Variants in AOPEP observed in about 807,000 individuals in gnomAD.
AOPEP encodes the protein aminopeptidase O (putative), also known as aminopeptidase O.
AOPEP carries 77 observed loss-of-function variants against 98.1 expected under a neutral mutation model. The observed-to-expected ratio is 0.78, with a 90% CI of 0.65 to 0.95. The LOEUF is 0.95. AOPEP is among the 40% of genes least tolerant of loss of function. The pLI is 0.00. For synonymous variants in AOPEP, 346 were observed against 365.3 expected, an observed-to-expected ratio of 0.95 and a Z score of 0.60; for missense variants, 1,024 against 1,024.7, an observed-to-expected ratio of 1.00 and a Z score of 0.01.
At chr9:95,098,498 C>T in the AOPEP span, among the ~76,000 whole-genome samples, 41 of 152,310 alleles carry the variant, frequency 2.7e-4, no homozygotes, top group Admixed American at 7.8e-4. Flanking sequence ...CTCCCTCAGG[C>T]GCCCTCCTGA....
At chr9:95,078,035 C>A (rs1400100964) in intron 14 of AOPEP, among the ~76,000 whole-genome samples, 1 of 151,678 alleles carries the variant, frequency 6.6e-6, no homozygotes, top group African/African-American at 2.4e-5. Flanking sequence ...TTTATCTTCT[C>A]TTGATGGGGT....
intron 13 of AOPEP, among the ~76,000 whole-genome samples, chr9:95,018,469 G>T (rs1267722140): frequency 6.6e-6 from 1 of 152,164 alleles, no homozygotes; most frequent in Non-Finnish European, 1.5e-5. Flanking sequence ...GAATCTAAAT[G>T]TCTCACCCGA....
intron 5 of AOPEP, among the ~76,000 whole-genome samples, chr9:94,877,827 G>T (rs1456369218): frequency 2.0e-5 from 3 of 152,162 alleles, no homozygotes; most frequent in Admixed American, 6.5e-5. Flanking sequence ...TATACCTTTT[G>T]CAGGCATCAC....
chr9:94,886,655 TAC>T (rs2048276544), intron 5 of AOPEP, among the ~76,000 whole-genome samples: 1 of 152,224 alleles, frequency 6.6e-6, no homozygotes, highest in Admixed American at 6.5e-5. Context: ...ACTGATTTCC[TAC>T]AGTTTGATTG....
chr9:94,803,682 T>G (rs943309931), intron 5 of AOPEP, among the ~76,000 whole-genome samples: 1 of 152,248 alleles, frequency 6.6e-6, no homozygotes. Context: ...CTAGAACATT[T>G]ATCAATACTG....
At chr9:95,043,076 C>T (rs1027708358) in intron 13 of AOPEP, among the ~76,000 whole-genome samples, 3 of 151,586 alleles carry the variant, frequency 2.0e-5, no homozygotes, top group Middle Eastern at 3.2e-3. Context: ...AGTTCGAGAT[C>T]GGCCTGGGCA....
chr9:95,105,044 G>T, the AOPEP span, among the ~76,000 whole-genome samples: 1 of 152,198 alleles, frequency 6.6e-6, no homozygotes, highest in Non-Finnish European at 1.5e-5. Context: ...ATAGATTCTC[G>T]AAAGCATTCT....
At chr9:95,059,512 T>G (rs1225139666) in intron 13 of AOPEP, among the ~76,000 whole-genome samples, 4 of 148,848 alleles carry the variant, frequency 2.7e-5, no homozygotes, top group East Asian at 4.0e-4. Context: ...TTTGGAAAAG[T>G]ATATGTGTGT....
intron 5 of AOPEP, among the ~76,000 whole-genome samples, chr9:94,807,268 C>T (rs537379189): frequency 3.9e-5 from 6 of 152,260 alleles, no homozygotes; most frequent in East Asian, 1.9e-4. Context: ...CTTGTCAGAT[C>T]GAGAAGTAGC....
the AOPEP span, chr9:95,099,359 T>C: frequency 4.4e-6 from 1 of 227,984 alleles, no homozygotes; most frequent in African/African-American, 2.2e-5. Flanking sequence ...GCTTCACGCC[T>C]TGCCATCCCT....
At chr9:94,766,079 G>A (rs1839535883) in intron 2 of AOPEP, among the ~76,000 whole-genome samples, 1 of 152,204 alleles carries the variant, frequency 6.6e-6, no homozygotes, top group South Asian at 2.1e-4. Flanking sequence ...TTCTTGCCAA[G>A]CTTCAAGAAA....
chr9:95,086,836 G>T lies in AOPEP; in HGVS notation c.*159G>T, dbSNP rs981552879. 3.0e-6 allele frequency: 3 copies of T among 987,900 alleles called. No individual in the cohort carries two copies. The African/African-American group carries it at 5.2e-5, about 17-fold the overall frequency. The allele number at this position is 987,900 out of a possible 1,614,324, so 61.2% of individuals were successfully genotyped here. ...TTGGTGCTTCTCTTTCCCAGAGGCT[G>T]GTCCCAGCCAGGCACACACAAAAGG... On this transcript the variant is annotated 3_prime_UTR_variant, in exon 17 of 17. Coordinates refer to ENST00000375315, the MANE Select transcript of AOPEP (RefSeq NM_001193329.3).
At chr9:94,844,614 G>T (rs1025084471) in intron 5 of AOPEP, among the ~76,000 whole-genome samples, 7 of 152,164 alleles carry the variant, frequency 4.6e-5, no homozygotes, top group Non-Finnish European at 7.3e-5. Flanking sequence ...AACTGTAACT[G>T]TGTACCCACT....
rs768081427 is a variant in AOPEP, at chr9:94,760,399, T to TA, written c.617dup (p.Tyr206Ter). The TA allele has an allele frequency of 5.0e-6, 8 of 1,614,020 alleles. No individual in the cohort carries two copies. Among genetic ancestry groups the TA allele is most frequent in the East Asian group, 4.5e-5 (2 of 44,892 alleles). ...TCGTTGGAGGGAGCAGTTAGACTATTACGCTCGCTGCAGCCAGGCTCCTGG... is the reference window on the plus strand; with the variant it reads ...TCGTTGGAGGGAGCAGTTAGACTATTAACGCTCGCTGCAGCCAGGCTCCTGG... The part of the protein sequence containing the change: ...ANRWREQLDY[Y>*]ARCSQAPGCG... The change falls in exon 2 of 17, where the codon TAC becomes TAAC. Residue 206 changes from tyrosine to a stop codon, truncating the protein, a stop_gained and frameshift_variant. Coordinates refer to ENST00000375315, the MANE Select transcript of AOPEP (RefSeq NM_001193329.3). LOFTEE classifies it high-confidence loss of function.
At position 95,081,139 on chromosome 9, in the gene AOPEP, G is replaced by A. The variant is rs1290003193; in HGVS notation, c.2319+359G>A. On this transcript the variant is annotated intron_variant, in intron 15 of 16. Transcript: ENST00000375315. Reference sequence around the variant, plus strand: ...GCCCTCATTTAAAGTACACGTGCAAGTCAGACTGGGAGAGCCCCGACGGGA... The same window carrying A: ...GCCCTCATTTAAAGTACACGTGCAAATCAGACTGGGAGAGCCCCGACGGGA... Among the ~76,000 whole-genome samples the A allele has an allele frequency of 2.0e-5, 3 of 152,166 alleles. 1 individual carries two copies. Among genetic ancestry groups the A allele is most frequent in the Admixed American group, 1.3e-4 (2 of 15,286 alleles).
In AOPEP at chr9:94,955,935, A is replaced by G; in HGVS notation, c.1792A>G (p.Lys598Glu). The change falls in exon 9 of 17, where the codon AAA becomes GAA. Residue 598 changes from lysine to glutamate, a missense_variant. By Grantham distance (56) the Lys-to-Glu change is moderately conservative. Coordinates refer to ENST00000375315, the MANE Select transcript of AOPEP (RefSeq NM_001193329.3). Reference protein sequence around the residue: ...KGYFLLRFLAKRLGDETYFSF... With the variant: ...KGYFLLRFLAERLGDETYFSF... Reference sequence around the variant, plus strand: ...CTACTTCCTTCTTCGGTTTCTTGCCAAAAGACTTGGAGATGAAACCTATTT... The same window carrying G: ...CTACTTCCTTCTTCGGTTTCTTGCCGAAAGACTTGGAGATGAAACCTATTT... The G allele has an allele frequency of 6.2e-7, 1 of 1,612,800 alleles. No homozygotes were observed. Among genetic ancestry groups the G allele is most frequent in the Non-Finnish European group, 8.5e-7 (1 of 1,179,640 alleles).
At chr9:94,775,879 G>A (rs950185300) in intron 3 of AOPEP, among the ~76,000 whole-genome samples, 3 of 151,988 alleles carry the variant, frequency 2.0e-5, no homozygotes, top group African/African-American at 4.8e-5. Context: ...CCAGCTACTC[G>A]GGAGGCTGAG....
the AOPEP span, among the ~76,000 whole-genome samples, chr9:95,107,841 C>T: frequency 2.0e-5 from 3 of 152,140 alleles, no homozygotes; most frequent in East Asian, 1.9e-4. Context: ...TCTGTTCATA[C>T]GTGTTTAATG....
the AOPEP span, among the ~76,000 whole-genome samples, chr9:95,137,162 T>C: frequency 6.6e-6 from 1 of 152,202 alleles, no homozygotes; most frequent in Non-Finnish European, 1.5e-5. Context: ...CCATGACTTT[T>C]GGGCCACTTC....
Sources: allele counts gnomAD v4.1 joint callset (sites outside exome capture counted in the v4.1 genomes callset), GRCh38; gene constraint gnomAD v4.1.1; transcripts MANE v1.5; gene names NCBI Gene and HGNC (gene_info 2026-07-23, HGNC 2026-07-21).